Variants in MAPKAP1 observed in about 807,000 individuals in gnomAD.
The protein encoded by MAPKAP1 is target of rapamycin complex 2 subunit MAPKAP1.
In MAPKAP1, 20 loss-of-function variants were observed where a neutral mutation model predicts 65.7. That is an observed-to-expected ratio of 0.30 (90% CI 0.21 to 0.44). The LOEUF is 0.44. Ranked by LOEUF, MAPKAP1 falls within the 20% of genes least tolerant of loss-of-function variation. The pLI, the probability that MAPKAP1 is intolerant of heterozygous loss-of-function variation, is 1.00. For missense variants in MAPKAP1, 423 were observed against 648.0 expected (o/e 0.65, Z 3.77); for synonymous variants, 222 against 244.3 (o/e 0.91, Z 0.85).
chr9:125,463,083 A>G (rs1221206259), intron 10 of MAPKAP1, among the ~76,000 whole-genome samples: 1 of 152,234 alleles, frequency 6.6e-6, no homozygotes, highest in African/African-American at 2.4e-5. Flanking sequence ...CCTTGCTTTC[A>G]TTAATCTTCT....
intron 10 of MAPKAP1, among the ~76,000 whole-genome samples, chr9:125,458,176 T>A (rs1451031770): frequency 6.6e-6 from 1 of 152,104 alleles, no homozygotes; most frequent in African/African-American, 2.4e-5. Flanking sequence ...GAAAGGCTAA[T>A]CTGGTCGAAG....
chr9:125,664,982 T>A (rs1042422945), intron 3 of MAPKAP1, among the ~76,000 whole-genome samples: 3 of 152,004 alleles, frequency 2.0e-5, no homozygotes. Context: ...AGAGACATAC[T>A]AACAGCTAAT....
chr9:125,622,817 CTCTCCCCT>C (rs1832947763), intron 4 of MAPKAP1, among the ~76,000 whole-genome samples: 1 of 151,774 alleles, frequency 6.6e-6, no homozygotes, highest in Non-Finnish European at 1.5e-5. Context: ...CCCCTCTCCC[CTCTCCCCT>C]CTCCGTCTCC....
At position 125,617,408 on chromosome 9, in the gene MAPKAP1, C is replaced by T. The variant is rs960092860; in HGVS notation, c.499-31681G>A. Among the ~76,000 whole-genome samples, 4 of 152,290 alleles carry T rather than the reference C, an allele frequency of 2.6e-5. No individual in the cohort carries two copies. In the South Asian group the frequency reaches 6.2e-4, roughly 24 times the overall value. ...CCTGGGAGACCTAAGCCACAGTGAG[C>T]CATGATCATGCCACTGCACTCCAGC... On this transcript the variant is annotated intron_variant, in intron 4 of 11. Transcript: ENST00000265960.
intron 8 of MAPKAP1, among the ~76,000 whole-genome samples, chr9:125,504,042 A>G (rs1461792192): frequency 6.6e-6 from 1 of 151,836 alleles, no homozygotes; most frequent in Non-Finnish European, 1.5e-5. Flanking sequence ...CAGCCTCCTT[A>G]AGATAATTTC....
intron 4 of MAPKAP1, among the ~76,000 whole-genome samples, chr9:125,639,468 A>G (rs1833516444): frequency 6.6e-6 from 1 of 152,258 alleles, no homozygotes; most frequent in African/African-American, 2.4e-5. Context: ...TGCCTGGCAC[A>G]TAGCTAATTC....
At chr9:125,550,052 T>C (rs527250994) in intron 6 of MAPKAP1, among the ~76,000 whole-genome samples, 10 of 152,334 alleles carry the variant, frequency 6.6e-5, no homozygotes, top group Admixed American at 6.5e-4. Flanking sequence ...TGCAAACTGT[T>C]TCTGTTCAAA....
chr9:125,486,581 A>C (rs1854506190), intron 8 of MAPKAP1, among the ~76,000 whole-genome samples: 1 of 152,222 alleles, frequency 6.6e-6, no homozygotes, highest in African/African-American at 2.4e-5. Context: ...TTTAAGTCAA[A>C]GTTGGTGTCT....
intron 1 of MAPKAP1, among the ~76,000 whole-genome samples, chr9:125,689,203 C>A (rs1007675878): frequency 6.7e-6 from 1 of 149,300 alleles, no homozygotes; most frequent in Non-Finnish European, 1.5e-5. Context: ...TTTGGGAGGC[C>A]GAGGTGGGCG....
Position 125,667,538 on chromosome 9 carries a change from A to C in MAPKAP1, c.349+2280T>G, listed in dbSNP as rs1834376150. Reference sequence around the variant, plus strand: ...TCGCCATGTTGGCCAGGCTGGTCTTAAAACTCCTGACCTCAAGTGATCTGC... The same window carrying C: ...TCGCCATGTTGGCCAGGCTGGTCTTCAAACTCCTGACCTCAAGTGATCTGC... On this transcript the variant is annotated intron_variant, in intron 3 of 11. Transcript: ENST00000265960. Among the ~76,000 whole-genome samples, 3 of 152,214 alleles carry C rather than the reference A, an allele frequency of 2.0e-5. 1 individual carries two copies. The South Asian group carries it at 6.2e-4, about 32-fold the overall frequency.
intron 10 of MAPKAP1, among the ~76,000 whole-genome samples, chr9:125,458,596 A>G (rs958256205): frequency 1.3e-5 from 2 of 151,586 alleles, no homozygotes; most frequent in Admixed American, 1.3e-4. Flanking sequence ...AACAAAATGA[A>G]AAGTCTCCCA....
chr9:125,474,960 A>G (rs761445794), intron 9 of MAPKAP1, among the ~76,000 whole-genome samples: 2 of 152,196 alleles, frequency 1.3e-5, no homozygotes, highest in Admixed American at 6.5e-5. Context: ...TCTTCGCCAG[A>G]GTGGATTTTG....
intron 7 of MAPKAP1, among the ~76,000 whole-genome samples, chr9:125,531,852 T>G (rs973859514): frequency 1.3e-5 from 2 of 152,216 alleles, no homozygotes; most frequent in Non-Finnish European, 2.9e-5. Context: ...CTGAACTACT[T>G]CAGCATACAT....
At chr9:125,575,713 G>A (rs556444243) in intron 5 of MAPKAP1, among the ~76,000 whole-genome samples, 6 of 152,234 alleles carry the variant, frequency 3.9e-5, no homozygotes, top group Middle Eastern at 3.4e-3. Context: ...CCAAATGCTG[G>A]TGAGGATTTG....
chr9:125,570,068 C>T (rs1831181170), intron 5 of MAPKAP1, among the ~76,000 whole-genome samples: 2 of 152,294 alleles, frequency 1.3e-5, no homozygotes, highest in African/African-American at 4.8e-5. Flanking sequence ...AATTTACCTA[C>T]CTTAAAGCCA....
At chr9:125,646,653 C>T (rs1353443332) in intron 4 of MAPKAP1, among the ~76,000 whole-genome samples, 1 of 151,836 alleles carries the variant, frequency 6.6e-6, no homozygotes, top group Non-Finnish European at 1.5e-5. Context: ...TGTTTTAAAG[C>T]TAGAAACCTA....
At chr9:125,480,846 C>G (rs1000802477) in intron 9 of MAPKAP1, among the ~76,000 whole-genome samples, 21 of 151,942 alleles carry the variant, frequency 1.4e-4, no homozygotes, top group African/African-American at 4.8e-4. Context: ...GTGGCAGGCG[C>G]CTGTAGTCCC....
chr9:125,695,378 C>T (rs150555550), intron 1 of MAPKAP1, among the ~76,000 whole-genome samples: 190 of 152,234 alleles, frequency 1.2e-3, no homozygotes, highest in African/African-American at 4.3e-3. Context: ...AGAGGGATGC[C>T]GAAATGAAAT....
intron 10 of MAPKAP1, among the ~76,000 whole-genome samples, chr9:125,446,259 T>A (rs1852710070): frequency 6.6e-6 from 1 of 152,214 alleles, no homozygotes; most frequent in Non-Finnish European, 1.5e-5. Context: ...AACATCATTA[T>A]GATGTACTAA....
Sources: gnomAD v4.1 joint callset for allele counts (sites outside exome capture counted in the v4.1 genomes callset) on GRCh38, gnomAD v4.1.1 for gene constraint, MANE v1.5 for transcripts, NCBI Gene and HGNC (gene_info 2026-07-23, HGNC 2026-07-21) for gene names.